SNU13: variants seen among roughly 807,000 people sequenced by gnomAD.
The protein encoded by SNU13 is NHP2-like protein 1.
In SNU13, 2 loss-of-function variants were observed where a neutral mutation model predicts 12.4. The ratio of observed to expected loss-of-function variants is 0.16; its 90% CI spans 0.07 to 0.51. The LOEUF is 0.51. SNU13 is among the 20% of genes least tolerant of loss of function. SNU13 has a pLI of 0.96. For synonymous variants in SNU13, 68 were observed against 66.5 expected (o/e 1.02, Z -0.11); for missense variants, 66 against 157.8 (o/e 0.42, Z 3.12).
rs553978822 is a variant in SNU13, at chr22:41,688,699, C to A, written c.3+95G>T. ...TAAGACCCAACGCCGGCGGATGAGA[C>A]GGCGCAGGCTCTAAGCCTCCATCTA... On this transcript the variant is annotated intron_variant, in intron 1 of 2. Coordinates refer to ENST00000401959, the MANE Select transcript of SNU13 (RefSeq NM_001003796.2). 2.1e-5 allele frequency: 31 copies of A among 1,476,466 alleles called. No homozygotes were observed. In the East Asian group the frequency reaches 7.0e-4, roughly 34 times the overall value. The allele number at this position is 1,476,466 out of a possible 1,614,324, so 91.5% of individuals were successfully genotyped here.
chr22:41,686,893 G>T (rs945913786), intron 1 of SNU13, among the ~76,000 whole-genome samples: 1 of 151,964 alleles, frequency 6.6e-6, no homozygotes, highest in East Asian at 1.9e-4. Context: ...CCAAAGTGCT[G>T]GGATTACAGG....
chr22:41,688,931 G>A, upstream of SNU13: 3 of 1,427,294 alleles, frequency 2.1e-6, no homozygotes, highest in Admixed American at 2.3e-5. Context: ...GTGACGCTAC[G>A]CGAGCGAGTG....
chr22:41,678,741 C>T (rs906468864), intron 2 of SNU13, among the ~76,000 whole-genome samples: 1 of 152,158 alleles, frequency 6.6e-6, no homozygotes, highest in Admixed American at 6.5e-5. Flanking sequence ...CACTGCTATA[C>T]CAGGCACTGC....
At chr22:41,675,249 C>G in intron 2 of SNU13, 54 bp from the exon 3 acceptor site, 1 of 1,586,108 alleles carries the variant, frequency 6.3e-7, no homozygotes, top group Non-Finnish European at 8.6e-7. Context: ...GGCAGGGCAG[C>G]CACAACAAAC....
chr22:41,685,009 A>T (rs2068299047), intron 1 of SNU13, among the ~76,000 whole-genome samples: 1 of 152,116 alleles, frequency 6.6e-6, no homozygotes, highest in African/African-American at 2.4e-5. Flanking sequence ...TACAAAAATT[A>T]TCTGGGTGTG....
intron 1 of SNU13, among the ~76,000 whole-genome samples, chr22:41,685,122 T>A (rs1253900938): frequency 7.5e-6 from 1 of 133,542 alleles, no homozygotes; most frequent in Non-Finnish European, 1.5e-5. Context: ...GCCACTTCAC[T>A]CCAGCCTGGG....
intron 1 of SNU13, among the ~76,000 whole-genome samples, chr22:41,682,016 A>G (rs1356984500): frequency 2.0e-5 from 3 of 151,726 alleles, no homozygotes; most frequent in African/African-American, 4.9e-5. Context: ...TTACAAACAC[A>G]TATTTATATA....
In SNU13 at chr22:41,682,564, G is replaced by A. The variant is rs915391081; in HGVS notation, c.4-2200C>T. ...TTCTACGTAACTCCTTATCTTAGGC[G>A]AATTTGTCTTGGTCCCAGGACAACT... On this transcript the variant is annotated intron_variant, in intron 1 of 2. Transcript: ENST00000401959. 1.1e-4 allele frequency: 165 copies of A among 1,453,618 alleles called. No homozygotes were observed. The African/African-American group carries it at 2.1e-3, about 19-fold the overall frequency. 90.0% of individuals were successfully genotyped at this position (1,453,618 alleles called of 1,614,324 possible).
intron 2 of SNU13, among the ~76,000 whole-genome samples, chr22:41,679,238 G>A (rs549285619): frequency 8.0e-5 from 12 of 150,180 alleles, no homozygotes; most frequent in Admixed American, 3.3e-4. Flanking sequence ...GTGAAACCTC[G>A]TCTCTACTTG....
intron 1 of SNU13, among the ~76,000 whole-genome samples, chr22:41,684,044 C>T (rs898115468): frequency 3.9e-5 from 6 of 152,150 alleles, no homozygotes; most frequent in African/African-American, 9.7e-5. Flanking sequence ...GCTGGGATTA[C>T]AGGTGCGCGT....
At chr22:41,682,222 C>T (rs1391113335) in intron 1 of SNU13, 3 of 929,176 alleles carry the variant, frequency 3.2e-6, no homozygotes, top group Admixed American at 3.8e-5. Flanking sequence ...TCGGTGGTCT[C>T]CTGCCCGACA....
At chr22:41,690,460 C>T (rs899388807), upstream of SNU13, 19 of 727,160 alleles carry the variant, frequency 2.6e-5, no homozygotes, top group Admixed American at 1.0e-4. Context: ...GCTAACCAGG[C>T]CTGGCACCAG....
intron 2 of SNU13, 78 bp from the exon 3 acceptor site, chr22:41,675,273 T>C (rs2068202248): frequency 6.5e-7 from 1 of 1,542,162 alleles, no homozygotes; most frequent in Admixed American, 1.7e-5. Context: ...GAAGAATGCC[T>C]AGGCACACAC....
At chr22:41,689,253 CT>C, upstream of SNU13, 1 of 203,624 alleles carries the variant, frequency 4.9e-6, no homozygotes, top group Non-Finnish European at 8.7e-6. Context: ...ACCCCAGCTA[CT>C]TAGGAGGCTG....
chr22:41,686,053 T>G (rs566477229), intron 1 of SNU13, among the ~76,000 whole-genome samples: 2 of 151,996 alleles, frequency 1.3e-5, no homozygotes, highest in East Asian at 3.9e-4. Flanking sequence ...AAAGAGATTC[T>G]CTCGCCTCAG....
chr22:41,678,123 C>T (rs1159693339), intron 2 of SNU13, among the ~76,000 whole-genome samples: 1 of 152,062 alleles, frequency 6.6e-6, no homozygotes, highest in Non-Finnish European at 1.5e-5. Flanking sequence ...CTATAGGCGC[C>T]CGCCACCACG....
At chr22:41,682,618 T>C (rs1206561443) in intron 1 of SNU13, 1 of 1,384,122 alleles carries the variant, frequency 7.2e-7, no homozygotes, top group East Asian at 2.7e-5. Flanking sequence ...GATGGAGGAG[T>C]TCTCTAAAGG....
At chr22:41,679,009 A>T (rs1601570775) in intron 2 of SNU13, among the ~76,000 whole-genome samples, 1 of 152,128 alleles carries the variant, frequency 6.6e-6, no homozygotes, top group Non-Finnish European at 1.5e-5. Context: ...TGTTATCCTA[A>T]CACTTTGGGA....
chr22:41,689,776 G>C (rs1263572033), upstream of SNU13, among the ~76,000 whole-genome samples: 2 of 151,558 alleles, frequency 1.3e-5, no homozygotes. Context: ...TTGGGAGTTC[G>C]ATACCAGCCT....
Sources: allele counts gnomAD v4.1 joint callset (sites outside exome capture counted in the v4.1 genomes callset), GRCh38; gene constraint gnomAD v4.1.1; transcripts MANE v1.5; gene names NCBI Gene and HGNC (gene_info 2026-07-23, HGNC 2026-07-21).